The following GPM6A variants were observed in gnomAD, a reference collection of about 807,000 sequenced individuals.
GPM6A encodes glycoprotein M6A.
GPM6A carries 7 observed loss-of-function variants against 32.1 expected under a neutral mutation model. The observed-to-expected ratio is 0.22, with a 90% CI of 0.12 to 0.41. The LOEUF (loss-of-function observed/expected upper bound fraction) is 0.41, where lower values mean the gene tolerates loss of function less well. Among genes scored for constraint, GPM6A ranks in the 10% least tolerant of loss-of-function variants. The pLI is 1.00. For synonymous variants in GPM6A, 130 were observed against 123.4 expected (o/e 1.05, Z -0.35); for missense variants, 235 against 347.2 (o/e 0.68, Z 2.57).
At chr4:175,941,256 G>GA in intron 1 of GPM6A, among the ~76,000 whole-genome samples, 1 of 152,112 alleles carries the variant, frequency 6.6e-6, no homozygotes, top group East Asian at 1.9e-4. Context: ...TTTTTGGAGA[G>GA]AAAAAATTGT....
At chr4:175,929,870 T>C (rs1470705391) in intron 1 of GPM6A, among the ~76,000 whole-genome samples, 1 of 152,142 alleles carries the variant, frequency 6.6e-6, no homozygotes, top group African/African-American at 2.4e-5. Context: ...GATGAAGATA[T>C]CCAACAGTGG....
At chr4:175,675,118 G>A (rs1743293219) in intron 2 of GPM6A, among the ~76,000 whole-genome samples, 1 of 151,800 alleles carries the variant, frequency 6.6e-6, no homozygotes, top group South Asian at 2.1e-4. Flanking sequence ...GCATTCCCAT[G>A]TTTTGAAAAC....
chr4:175,771,432 C>T (rs1055330270), intron 1 of GPM6A, among the ~76,000 whole-genome samples: 1 of 151,368 alleles, frequency 6.6e-6, no homozygotes, highest in Non-Finnish European at 1.5e-5. Context: ...ATTAGCCAGG[C>T]ATGGTGGCAC....
chr4:175,901,110 G>A (rs1214629662), intron 1 of GPM6A, among the ~76,000 whole-genome samples: 1 of 151,056 alleles, frequency 6.6e-6, no homozygotes, highest in Non-Finnish European at 1.5e-5. Flanking sequence ...GTGGAGAATG[G>A]TTACCAGAGG....
chr4:175,856,459 G>T (rs1736420467), intron 1 of GPM6A, among the ~76,000 whole-genome samples: 2 of 152,196 alleles, frequency 1.3e-5, no homozygotes, highest in African/African-American at 4.8e-5. Flanking sequence ...GCATCTAGGG[G>T]TTGCCCACGA....
intron 1 of GPM6A, among the ~76,000 whole-genome samples, chr4:175,765,384 A>C (rs1180347779): frequency 6.6e-6 from 1 of 152,164 alleles, no homozygotes; most frequent in African/African-American, 2.4e-5. Context: ...GAATCTCTTA[A>C]GAATTTATTT....
intron 1 of GPM6A, among the ~76,000 whole-genome samples, chr4:175,875,612 G>A (rs868451118): frequency 1.3e-5 from 2 of 151,950 alleles, no homozygotes; most frequent in Non-Finnish European, 2.9e-5. Flanking sequence ...TCCAAAAGTT[G>A]GACAGTCGAG....
chr4:175,650,114 T>C (rs1741694961), intron 4 of GPM6A, among the ~76,000 whole-genome samples: 2 of 152,006 alleles, frequency 1.3e-5, no homozygotes, highest in South Asian at 4.1e-4. Context: ...ATGTCCATAT[T>C]CCCTCTTGCC....
intron 1 of GPM6A, among the ~76,000 whole-genome samples, chr4:175,946,020 T>C (rs1739594206): frequency 6.6e-6 from 1 of 152,112 alleles, no homozygotes; most frequent in Non-Finnish European, 1.5e-5. Flanking sequence ...CTTAGAAGAC[T>C]AAATGTGTAA....
At chr4:175,779,762 G>C (rs945209579) in intron 1 of GPM6A, among the ~76,000 whole-genome samples, 2 of 152,118 alleles carry the variant, frequency 1.3e-5, no homozygotes, top group Non-Finnish European at 2.9e-5. Flanking sequence ...CCCACCTGTT[G>C]GTAGCGTGAT....
intron 1 of GPM6A, among the ~76,000 whole-genome samples, chr4:175,901,488 G>A (rs1159382400): frequency 6.6e-6 from 1 of 151,812 alleles, no homozygotes; most frequent in Non-Finnish European, 1.5e-5. Flanking sequence ...TATAACATTA[G>A]AGTAGCTACC....
intron 1 of GPM6A, among the ~76,000 whole-genome samples, chr4:175,955,614 T>C (rs1739959989): frequency 6.6e-6 from 1 of 152,194 alleles, no homozygotes; most frequent in Non-Finnish European, 1.5e-5. Flanking sequence ...TATTTATGAG[T>C]ATCCAATCTA....
chr4:175,699,280 T>C (rs1016405346), intron 2 of GPM6A, among the ~76,000 whole-genome samples: 2 of 152,174 alleles, frequency 1.3e-5, no homozygotes, highest in African/African-American at 4.8e-5. Flanking sequence ...TTCCAAATGA[T>C]GAATATGACT....
At chr4:175,924,905 T>G (rs1333449115) in intron 1 of GPM6A, among the ~76,000 whole-genome samples, 1 of 152,084 alleles carries the variant, frequency 6.6e-6, no homozygotes, top group Non-Finnish European at 1.5e-5. Context: ...TGTCATTTAT[T>G]GTGTGGTGCA....
chr4:175,807,453 T>C (rs2111320411), intron 1 of GPM6A: 1 of 152,288 alleles, frequency 6.6e-6, no homozygotes. Context: ...TTGCAAAGAA[T>C]AGAGATTCAC....
chr4:175,636,301 T>TATATATAC (rs1740607860), intron 6 of GPM6A, among the ~76,000 whole-genome samples: 7 of 130,740 alleles, frequency 5.4e-5, no homozygotes, highest in African/African-American at 5.9e-5. Context: ...TATATATACA[T>TATATATAC]ATATATATGG....
rs536253067 is a variant in GPM6A at position 175,892,921 on chromosome 4, CCAGA to C, written c.-22-80676_-22-80673del. Among the ~76,000 whole-genome samples, 13 of 152,296 alleles carry C rather than the reference CCAGA, an allele frequency of 8.5e-5. No homozygotes were observed. In the East Asian group the frequency reaches 2.3e-3, roughly 27 times the overall value. ...TTTGGGTGCTTGGCATTTCATCATG[CCAGA>C]CACTCTGTTGATGTCTCCTCTCTTT... On this transcript the variant is annotated intron_variant, in intron 1 of 7. Coordinates refer to the GPM6A transcript ENST00000280187.
intron 3 of GPM6A, among the ~76,000 whole-genome samples, chr4:175,666,184 T>A (rs1394352261): frequency 6.6e-6 from 1 of 152,124 alleles, no homozygotes; most frequent in African/African-American, 2.4e-5. Flanking sequence ...TCTCCCAGAA[T>A]GCTGGGATTA....
At chr4:175,926,514 A>G (rs28786137) in intron 1 of GPM6A, among the ~76,000 whole-genome samples, 5,526 of 152,298 alleles carry the variant, frequency 0.036, 377 homozygotes, top group African/African-American at 0.12. Flanking sequence ...ACCTACAATT[A>G]CATGGTGTTG....
Sources: gnomAD v4.1 joint callset for allele counts (sites outside exome capture counted in the v4.1 genomes callset) on GRCh38, gnomAD v4.1.1 for gene constraint, MANE v1.5 for transcripts, NCBI Gene and HGNC (gene_info 2026-07-23, HGNC 2026-07-21) for gene names.